CDH18: variants seen among roughly 807,000 people sequenced by gnomAD.
CDH18 encodes cadherin-18.
In CDH18, 31 loss-of-function variants were observed where a neutral mutation model predicts 67.9. The ratio of observed to expected loss-of-function variants is 0.46; its 90% CI spans 0.34 to 0.62. The LOEUF is 0.62. Among genes scored for constraint, CDH18 ranks in the 20% least tolerant of loss-of-function variants. CDH18 has a pLI of 0.01. For synonymous variants in CDH18, 362 were observed against 347.2 expected (o/e 1.04, Z -0.48); for missense variants, 890 against 975.5 (o/e 0.91, Z 1.17).
chr5:20,041,028 G>T (rs574963240), intron 2 of CDH18, among the ~76,000 whole-genome samples: 3 of 152,018 alleles, frequency 2.0e-5, no homozygotes, highest in Non-Finnish European at 4.4e-5. Flanking sequence ...TTATGTTGTT[G>T]GTTTTAATTA....
intron 5 of CDH18, among the ~76,000 whole-genome samples, chr5:19,678,386 T>G (rs2150374552): frequency 6.6e-6 from 1 of 151,936 alleles, no homozygotes; most frequent in South Asian, 2.1e-4. Context: ...TAAAGGACAT[T>G]TAGGTAAACA....
chr5:19,749,368 T>C (rs1770533032), intron 3 of CDH18, among the ~76,000 whole-genome samples: 1 of 151,506 alleles, frequency 6.6e-6, no homozygotes. Flanking sequence ...TATAACTGTA[T>C]AAAACATTTT....
chr5:19,885,833 T>C (rs1311735621), intron 2 of CDH18, among the ~76,000 whole-genome samples: 1 of 152,222 alleles, frequency 6.6e-6, no homozygotes, highest in Non-Finnish European at 1.5e-5. Context: ...GAGTTGTTAT[T>C]GTTATTTTAG....
chr5:19,556,931 A>G (rs1738550335), intron 8 of CDH18, among the ~76,000 whole-genome samples: 1 of 152,238 alleles, frequency 6.6e-6, no homozygotes, highest in South Asian at 2.1e-4. Context: ...TCAGATTAAC[A>G]GATTTCTCAG....
intron 1 of CDH18, among the ~76,000 whole-genome samples, chr5:20,464,379 A>G (rs1244719657): frequency 6.6e-6 from 1 of 152,198 alleles, no homozygotes; most frequent in Non-Finnish European, 1.5e-5. Context: ...GTGCAACAGA[A>G]GCGGCCATGG....
chr5:20,076,291 G>C (rs970842308), intron 2 of CDH18, among the ~76,000 whole-genome samples: 24 of 151,778 alleles, frequency 1.6e-4, no homozygotes, highest in African/African-American at 5.1e-4. Flanking sequence ...TCTCATTTTG[G>C]GTGTGTTTGG....
intron 2 of CDH18, among the ~76,000 whole-genome samples, chr5:20,029,613 T>C (rs191177797): frequency 1.6e-3 from 238 of 152,334 alleles, no homozygotes; most frequent in African/African-American, 5.1e-3. Context: ...AAATTATTTA[T>C]TGGAAAATGA....
intron 1 of CDH18, among the ~76,000 whole-genome samples, chr5:20,272,174 G>A (rs1331116071): frequency 2.0e-5 from 3 of 151,940 alleles, no homozygotes; most frequent in Non-Finnish European, 2.9e-5. Context: ...AGGAAGAAGT[G>A]GACTTAAAGT....
At chr5:20,358,218 G>A (rs1379629727) in intron 1 of CDH18, among the ~76,000 whole-genome samples, 1 of 152,060 alleles carries the variant, frequency 6.6e-6, no homozygotes, top group Non-Finnish European at 1.5e-5. Flanking sequence ...CCCACTACCT[G>A]GGCAAAAGGT....
At chr5:20,232,903 C>T (rs1348627519) in intron 2 of CDH18, among the ~76,000 whole-genome samples, 1 of 151,788 alleles carries the variant, frequency 6.6e-6, no homozygotes, top group African/African-American at 2.4e-5. Context: ...ATTTTAGTTC[C>T]CAAGGGCTAT....
intron 1 of CDH18, among the ~76,000 whole-genome samples, chr5:20,567,394 C>T (rs1758576820): frequency 6.6e-6 from 1 of 151,154 alleles, no homozygotes; most frequent in Admixed American, 6.6e-5. Context: ...TCAATGACAG[C>T]TACTTATTGA....
At chr5:19,791,346 T>C (rs1391478146) in intron 3 of CDH18, among the ~76,000 whole-genome samples, 2 of 86,078 alleles carry the variant, frequency 2.3e-5, no homozygotes. Context: ...TTCTTGCAAT[T>C]CGACTTTTAA....
intron 2 of CDH18, among the ~76,000 whole-genome samples, chr5:19,897,689 T>A (rs934795031): frequency 6.6e-6 from 1 of 152,096 alleles, no homozygotes; most frequent in African/African-American, 2.4e-5. Context: ...ATTTGAATAG[T>A]TAAATACTCC....
At chr5:20,426,069 A>G (rs185581537) in intron 1 of CDH18, among the ~76,000 whole-genome samples, 14 of 151,390 alleles carry the variant, frequency 9.2e-5, no homozygotes, top group East Asian at 1.9e-4. Flanking sequence ...TAGGCAATAT[A>G]TCAGAGCTTT....
At chr5:20,061,078 T>C (rs1742444591) in intron 2 of CDH18, among the ~76,000 whole-genome samples, 1 of 152,070 alleles carries the variant, frequency 6.6e-6, no homozygotes. Flanking sequence ...TATGATCAGT[T>C]TGAATTTATT....
intron 3 of CDH18, among the ~76,000 whole-genome samples, chr5:19,807,312 C>T (rs1018534644): frequency 9.2e-5 from 14 of 152,026 alleles, no homozygotes; most frequent in African/African-American, 3.4e-4. Flanking sequence ...GCACATAAAA[C>T]TTTAAATAAA....
At chr5:19,758,247 A>G (rs1388455762) in intron 3 of CDH18, among the ~76,000 whole-genome samples, 1 of 152,224 alleles carries the variant, frequency 6.6e-6, no homozygotes, top group Non-Finnish European at 1.5e-5. Flanking sequence ...GATAGGCAGT[A>G]CAGGTCGCAT....
chr5:20,503,704 T>C (rs1273245179), intron 1 of CDH18, among the ~76,000 whole-genome samples: 1 of 152,134 alleles, frequency 6.6e-6, no homozygotes, highest in Non-Finnish European at 1.5e-5. Flanking sequence ...AAGAGTTGCT[T>C]AGATGCAGGA....
intron 2 of CDH18, among the ~76,000 whole-genome samples, chr5:20,038,461 C>G (rs921041371): frequency 6.6e-6 from 1 of 152,066 alleles, no homozygotes; most frequent in Non-Finnish European, 1.5e-5. Context: ...ATACTGACAA[C>G]CCAAATCCAG....
Sources: gnomAD v4.1 joint callset for allele counts (sites outside exome capture counted in the v4.1 genomes callset) on GRCh38, gnomAD v4.1.1 for gene constraint, MANE v1.5 for transcripts, NCBI Gene and HGNC (gene_info 2026-07-23, HGNC 2026-07-21) for gene names.